Variants in GPR149 observed in about 807,000 individuals in gnomAD.
GPR149 encodes G protein-coupled receptor 149.
A neutral mutation model predicts 50.2 loss-of-function variants in GPR149; 50 were observed. The observed-to-expected ratio is 1.00, with a 90% CI of 0.79 to 1.26. GPR149 has a LOEUF of 1.26. Ranked by LOEUF, GPR149 falls within the 50% of genes most tolerant of loss-of-function variation. The pLI is 0.00. For missense variants in GPR149, 983 were observed against 895.4 expected (o/e 1.10, Z -1.25); for synonymous variants, 405 against 358.2 (o/e 1.13, Z -1.48).
At chr3:154,421,608 T>A (rs974762044) in intron 2 of GPR149, 121 bp from the exon 3 acceptor site, 2 of 527,302 alleles carry the variant, frequency 3.8e-6, no homozygotes, top group Non-Finnish European at 6.4e-6. Flanking sequence ...TTTAAAACTA[T>A]CTTCATTTAC....
At chr3:154,341,290 G>GAA (rs1190944962) in intron 3 of GPR149, among the ~76,000 whole-genome samples, 1 of 40,412 alleles carries the variant, frequency 2.5e-5, no homozygotes, top group East Asian at 1.1e-3. Flanking sequence ...AAAAAAATAA[G>GAA]ACATATATAT....
intron 3 of GPR149, among the ~76,000 whole-genome samples, chr3:154,385,791 T>C (rs1268779575): frequency 6.6e-6 from 1 of 151,940 alleles, no homozygotes. Flanking sequence ...AAGCTCCACC[T>C]TCCGGGTTCA....
At chr3:154,415,791 A>G (rs1218892805) in intron 3 of GPR149, among the ~76,000 whole-genome samples, 1 of 151,974 alleles carries the variant, frequency 6.6e-6, no homozygotes, top group Non-Finnish European at 1.5e-5. Flanking sequence ...TAATAATTAT[A>G]AAAACAATAA....
At chr3:154,420,589 T>C (rs903920550) in intron 3 of GPR149, among the ~76,000 whole-genome samples, 1 of 151,950 alleles carries the variant, frequency 6.6e-6, no homozygotes, top group Non-Finnish European at 1.5e-5. Flanking sequence ...CTAATATACT[T>C]TCAACAGAAC....
In GPR149 at chr3:154,429,433, C is replaced by A. The variant is rs1372831784; in HGVS notation, c.183G>T (p.Met61Ile). The A allele has an allele frequency of 6.2e-7, 1 of 1,614,158 alleles. No homozygotes were observed. Among genetic ancestry groups the A allele is most frequent in the South Asian group, 1.1e-5 (1 of 91,082 alleles). ...GCATGGACACAACAGTTCTGTTCTGCATTTTCAGCAGGGAAATTAGTGAAT... is the reference window on the plus strand; with the variant it reads ...GCATGGACACAACAGTTCTGTTCTGAATTTTCAGCAGGGAAATTAGTGAAT... ...SIYSLISLLK[M>I]QNRTVVSMLV... The change falls in exon 1 of 4, where the codon ATG becomes ATT. Residue 61 changes from methionine to isoleucine, a missense_variant. Met to Ile is a conservative substitution (Grantham distance 10). Coordinates refer to ENST00000389740, the MANE Select transcript of GPR149 (RefSeq NM_001038705.3).
chr3:154,379,269 G>A (rs1214983910), intron 3 of GPR149, among the ~76,000 whole-genome samples: 6 of 131,968 alleles, frequency 4.5e-5, no homozygotes, highest in African/African-American at 1.8e-4. Flanking sequence ...AAAAAAAAAA[G>A]TCCTTTATCA....
chr3:154,406,378 AT>A (rs1275341401), intron 3 of GPR149, among the ~76,000 whole-genome samples: 4 of 152,196 alleles, frequency 2.6e-5, no homozygotes, highest in African/African-American at 4.8e-5. Flanking sequence ...GCAAAACTAC[AT>A]TTTTTATTTG....
intron 3 of GPR149, chr3:154,353,696 C>T: frequency 2.4e-6 from 3 of 1,226,496 alleles, no homozygotes; most frequent in Non-Finnish European, 3.5e-6. Flanking sequence ...AAACAAGTAC[C>T]TTTGTTGAGC....
At chr3:154,428,334 T>C (rs1364012914) in intron 1 of GPR149, among the ~76,000 whole-genome samples, 7 of 152,204 alleles carry the variant, frequency 4.6e-5, no homozygotes, top group Non-Finnish European at 1.0e-4. Context: ...GATTTTGCTG[T>C]GTGAGACAAT....
chr3:154,411,728 G>T (rs1186518686), intron 3 of GPR149, among the ~76,000 whole-genome samples: 1 of 151,976 alleles, frequency 6.6e-6, no homozygotes, highest in African/African-American at 2.4e-5. Context: ...ACCAAAAAAA[G>T]TCCAGGACCA....
At chr3:154,392,504 C>T (rs1179815444) in intron 3 of GPR149, among the ~76,000 whole-genome samples, 3 of 151,642 alleles carry the variant, frequency 2.0e-5, no homozygotes, top group Non-Finnish European at 4.4e-5. Context: ...CTCAAATAAT[C>T]AACCTAACTT....
chr3:154,405,606 A>G (rs1711664305), intron 3 of GPR149, among the ~76,000 whole-genome samples: 1 of 150,192 alleles, frequency 6.7e-6, no homozygotes, highest in South Asian at 2.1e-4. Flanking sequence ...AAAAAAAAAA[A>G]GTAGAAAGCC....
intron 3 of GPR149, among the ~76,000 whole-genome samples, chr3:154,341,029 A>C (rs1576896007): frequency 6.6e-6 from 1 of 151,940 alleles, no homozygotes; most frequent in Non-Finnish European, 1.5e-5. Flanking sequence ...CAAGATTTAC[A>C]ATTTTAAAAC....
chr3:154,378,649 A>AAT (rs1714851056), intron 3 of GPR149, among the ~76,000 whole-genome samples: 1 of 152,222 alleles, frequency 6.6e-6, no homozygotes, highest in African/African-American at 2.4e-5. Context: ...CAGGTTGTGC[A>AAT]ATAGTCTGTA....
intron 3 of GPR149, among the ~76,000 whole-genome samples, chr3:154,406,447 A>T (rs2108421031): frequency 1.3e-5 from 2 of 152,316 alleles, no homozygotes; most frequent in Middle Eastern, 3.4e-3. Context: ...ACAATGTGCA[A>T]ATACATACAT....
At chr3:154,393,088 C>T (rs1227455540) in intron 3 of GPR149, among the ~76,000 whole-genome samples, 1 of 151,858 alleles carries the variant, frequency 6.6e-6, no homozygotes, top group Non-Finnish European at 1.5e-5. Context: ...TTTATGAGGC[C>T]AGTGTTGCCT....
At chr3:154,402,116 T>C (rs982221839) in intron 3 of GPR149, among the ~76,000 whole-genome samples, 6 of 152,174 alleles carry the variant, frequency 3.9e-5, no homozygotes, top group African/African-American at 1.4e-4. Context: ...TGAGAGATCC[T>C]TGCTACTGCA....
intron 3 of GPR149, among the ~76,000 whole-genome samples, chr3:154,347,558 G>A (rs4116994): frequency 0.45 from 68,799 of 152,074 alleles, 15,720 homozygotes; most frequent in East Asian, 0.5. Context: ...TGGGGACACC[G>A]CCAAACCATA....
chr3:154,359,769 T>G (rs1423102069), intron 3 of GPR149, among the ~76,000 whole-genome samples: 1 of 152,210 alleles, frequency 6.6e-6, no homozygotes, highest in African/African-American at 2.4e-5. Context: ...ACACCCATAG[T>G]GTTTTTGCTC....
Sources: gnomAD v4.1 joint callset for allele counts (sites outside exome capture counted in the v4.1 genomes callset) on GRCh38, gnomAD v4.1.1 for gene constraint, MANE v1.5 for transcripts, NCBI Gene and HGNC (gene_info 2026-07-23, HGNC 2026-07-21) for gene names.